The following OXR1 variants were observed in gnomAD, a reference collection of about 807,000 sequenced individuals.
OXR1 encodes the protein oxidation resistance 1, also known as oxidation resistance protein 1.
A neutral mutation model predicts 104.6 loss-of-function variants in OXR1; 41 were observed. The observed-to-expected ratio is 0.39, with a 90% CI of 0.31 to 0.51. The LOEUF (loss-of-function observed/expected upper bound fraction) is 0.51, where lower values mean the gene tolerates loss of function less well. OXR1 is among the 20% of genes least tolerant of loss of function. The pLI is 0.77. For missense variants in OXR1, 955 were observed against 1,031.9 expected, an observed-to-expected ratio of 0.93 and a Z score of 1.02; for synonymous variants, 348 against 348.4, an observed-to-expected ratio of 1.00 and a Z score of 0.01.
chr8:106,577,879 C>G (rs1817969530), intron 3 of OXR1, among the ~76,000 whole-genome samples: 1 of 152,152 alleles, frequency 6.6e-6, no homozygotes, highest in South Asian at 2.1e-4. Context: ...TCTCCAGCTA[C>G]CCTTCCTTGC....
chr8:106,307,098 A>G (rs916570057), intron 1 of OXR1, among the ~76,000 whole-genome samples: 2 of 152,168 alleles, frequency 1.3e-5, no homozygotes, highest in Non-Finnish European at 2.9e-5. Context: ...GAAGGAAGGA[A>G]TAGCATGAAT....
At chr8:106,358,640 A>ATC (rs1816090603) in intron 1 of OXR1, among the ~76,000 whole-genome samples, 2 of 152,222 alleles carry the variant, frequency 1.3e-5, no homozygotes, top group Non-Finnish European at 2.9e-5. Flanking sequence ...ACCTGACTGA[A>ATC]TAAAGTGCTA....
chr8:106,708,770 T>G (rs2131384595), intron 9 of OXR1, among the ~76,000 whole-genome samples: 1 of 151,926 alleles, frequency 6.6e-6, no homozygotes, highest in African/African-American at 2.4e-5. Flanking sequence ...CTCCTTTGAG[T>G]TTTTTTTGGG....
Position 106,703,108 on chromosome 8 carries a change from A to G in OXR1, c.860+18A>G, listed in dbSNP as rs1458887916. The G allele has an allele frequency of 1.9e-6, 3 of 1,541,452 alleles. No homozygotes were observed. Among genetic ancestry groups the G allele is most frequent in the South Asian group, 2.3e-5 (2 of 87,776 alleles). ...TTACCCATGTAAGAGTGATATTTAT[A>G]TTCCTTTGCAACTTTATTGTATCTA... On this transcript the variant is annotated intron_variant, in intron 8 of 16. Coordinates refer to ENST00000517566, the MANE Select transcript of OXR1 (RefSeq NM_001198533.2).
intron 2 of OXR1, among the ~76,000 whole-genome samples, chr8:106,447,445 A>G (rs1348015736): frequency 6.6e-6 from 1 of 152,164 alleles, no homozygotes; most frequent in Non-Finnish European, 1.5e-5. Context: ...TAGTTATGTA[A>G]CCGTGGGCAA....
intron 1 of OXR1, among the ~76,000 whole-genome samples, chr8:106,344,606 G>A (rs764572342): frequency 1.3e-5 from 2 of 152,108 alleles, no homozygotes; most frequent in Non-Finnish European, 2.9e-5. Flanking sequence ...CAAAGTGGTG[G>A]GATTACAGGC....
chr8:106,632,117 T>C (rs1822738119), intron 3 of OXR1, among the ~76,000 whole-genome samples: 1 of 152,142 alleles, frequency 6.6e-6, no homozygotes, highest in African/African-American at 2.4e-5. Flanking sequence ...AGATATGAAA[T>C]GAAGAAAGAT....
intron 1 of OXR1, among the ~76,000 whole-genome samples, chr8:106,310,092 T>G (rs1223125888): frequency 6.6e-6 from 1 of 152,076 alleles, no homozygotes; most frequent in Non-Finnish European, 1.5e-5. Context: ...TATTTTTCAG[T>G]TAGTCATAAA....
chr8:106,643,592 C>G (rs1470452892), intron 3 of OXR1, among the ~76,000 whole-genome samples: 1 of 152,074 alleles, frequency 6.6e-6, no homozygotes, highest in African/African-American at 2.4e-5. Context: ...ATAGTTTGAC[C>G]TAGCTTTCAC....
intron 3 of OXR1, among the ~76,000 whole-genome samples, chr8:106,645,055 A>G (rs1276224339): frequency 6.6e-6 from 1 of 152,032 alleles, no homozygotes; most frequent in African/African-American, 2.4e-5. Flanking sequence ...TTGGAGATCG[A>G]TTAAAGAGGG....
chr8:106,691,522 T>C (rs1357240109), intron 6 of OXR1, among the ~76,000 whole-genome samples: 1 of 151,592 alleles, frequency 6.6e-6, no homozygotes, highest in East Asian at 1.9e-4. Context: ...CTATAGATAC[T>C]GAGTTCAGAC....
intron 2 of OXR1, among the ~76,000 whole-genome samples, chr8:106,485,299 C>G (rs1369425641): frequency 6.6e-6 from 1 of 152,014 alleles, no homozygotes; most frequent in Non-Finnish European, 1.5e-5. Flanking sequence ...AAGAGTGAAT[C>G]CTAATGTAAA....
At chr8:106,403,341 A>T (rs1586608671) in intron 2 of OXR1, among the ~76,000 whole-genome samples, 1 of 152,188 alleles carries the variant, frequency 6.6e-6, no homozygotes, top group South Asian at 2.1e-4. Flanking sequence ...AACCCTGCCC[A>T]CCTTGCCTGT....
chr8:106,400,065 G>A (rs1022163814), intron 2 of OXR1, among the ~76,000 whole-genome samples: 16 of 151,894 alleles, frequency 1.1e-4, no homozygotes, highest in African/African-American at 3.6e-4. Context: ...GAAATTATTT[G>A]TGTTTTGCCC....
chr8:106,648,087 T>A (rs980959917), intron 3 of OXR1, among the ~76,000 whole-genome samples: 2 of 152,236 alleles, frequency 1.3e-5, no homozygotes, highest in Non-Finnish European at 2.9e-5. Flanking sequence ...TTTTAAAATG[T>A]AATGAACACA....
chr8:106,519,724 G>A (rs947961583), intron 3 of OXR1, among the ~76,000 whole-genome samples: 1 of 152,128 alleles, frequency 6.6e-6, no homozygotes, highest in Non-Finnish European at 1.5e-5. Context: ...CCTTCATAGG[G>A]AAGAGTAATA....
chr8:106,581,655 T>C (rs768038130), intron 3 of OXR1, among the ~76,000 whole-genome samples: 1 of 152,170 alleles, frequency 6.6e-6, no homozygotes, highest in Non-Finnish European at 1.5e-5. Flanking sequence ...AATGAACTTC[T>C]AATACATTTA....
intron 1 of OXR1, among the ~76,000 whole-genome samples, chr8:106,270,959 A>C (rs531024850): frequency 6.6e-6 from 1 of 152,128 alleles, no homozygotes; most frequent in Non-Finnish European, 1.5e-5. Flanking sequence ...GGGGCACATC[A>C]TGATGGAGTC....
chr8:106,597,341 G>A (rs1819610948), intron 3 of OXR1, among the ~76,000 whole-genome samples: 1 of 152,124 alleles, frequency 6.6e-6, no homozygotes, highest in South Asian at 2.1e-4. Context: ...CTGCCTGTGA[G>A]AAAGCAGGCT....
Sources: allele counts gnomAD v4.1 joint callset (sites outside exome capture counted in the v4.1 genomes callset), GRCh38; gene constraint gnomAD v4.1.1; transcripts MANE v1.5; gene names NCBI Gene and HGNC (gene_info 2026-07-23, HGNC 2026-07-21).